Variants in SLC35F1 observed in about 807,000 individuals in gnomAD.
SLC35F1 encodes the protein solute carrier family 35 member F1, also known as chromosome 6 open reading frame 169.
In SLC35F1, 14 loss-of-function variants were observed where a neutral mutation model predicts 48.7. The observed-to-expected ratio is 0.29, with a 90% CI of 0.19 to 0.45. The LOEUF (loss-of-function observed/expected upper bound fraction) is 0.45, where lower values mean the gene tolerates loss of function less well. SLC35F1 is among the 20% of genes least tolerant of loss of function. The probability of loss-of-function intolerance (pLI) is 1.00; values close to 1 mark genes in which losing one functional copy is unlikely to be tolerated. For synonymous variants in SLC35F1, 190 were observed against 202.2 expected, an observed-to-expected ratio of 0.94 and a Z score of 0.51; for missense variants, 404 against 500.0, an observed-to-expected ratio of 0.81 and a Z score of 1.83.
At chr6:118,133,805 G>A (rs78006819) in intron 1 of SLC35F1, among the ~76,000 whole-genome samples, 2,979 of 152,236 alleles carry the variant, frequency 0.02, 95 homozygotes, top group African/African-American at 0.064. Context: ...CATACCTGCC[G>A]TGACCTCCCT....
chr6:117,986,860 C>G (rs756841811), intron 1 of SLC35F1, among the ~76,000 whole-genome samples: 34 of 152,190 alleles, frequency 2.2e-4, no homozygotes, highest in South Asian at 4.1e-4. Context: ...GAGATGATTT[C>G]CAGCAGCCTG....
intron 3 of SLC35F1, among the ~76,000 whole-genome samples, chr6:118,239,228 A>T (rs1775405366): frequency 6.7e-6 from 1 of 148,892 alleles, no homozygotes; most frequent in South Asian, 2.2e-4. Flanking sequence ...ACCTAGAGGA[A>T]ACCCCAGCAC....
At chr6:117,954,613 G>C (rs17079589) in intron 1 of SLC35F1, among the ~76,000 whole-genome samples, 1,701 of 152,240 alleles carry the variant, frequency 0.011, 31 homozygotes, top group African/African-American at 0.039. Flanking sequence ...TAGACCTACA[G>C]AATTAAAATA....
intron 1 of SLC35F1, among the ~76,000 whole-genome samples, chr6:118,057,027 G>A (rs1008073402): frequency 2.6e-5 from 4 of 151,998 alleles, no homozygotes; most frequent in Non-Finnish European, 5.9e-5. Flanking sequence ...AAAGTGTTCT[G>A]GTCCTAATTT....
chr6:118,028,611 A>G (rs547864886), intron 1 of SLC35F1, among the ~76,000 whole-genome samples: 1 of 152,110 alleles, frequency 6.6e-6, no homozygotes, highest in Non-Finnish European at 1.5e-5. Flanking sequence ...ATGGGGGAGG[A>G]TCCACAGAAC....
chr6:118,124,402 A>G (rs1334837), intron 1 of SLC35F1, among the ~76,000 whole-genome samples: 5,075 of 152,210 alleles, frequency 0.033, 214 homozygotes, highest in African/African-American at 0.088. Context: ...TAGGGTAATA[A>G]TTTTCTTTCT....
At chr6:117,943,772 A>G (rs1371051098) in intron 1 of SLC35F1, among the ~76,000 whole-genome samples, 1 of 152,172 alleles carries the variant, frequency 6.6e-6, no homozygotes, top group African/African-American at 2.4e-5. Flanking sequence ...TCAGTTTAAA[A>G]CCATTGATTT....
At chr6:117,999,780 C>A (rs1004121712) in intron 1 of SLC35F1, among the ~76,000 whole-genome samples, 1 of 151,536 alleles carries the variant, frequency 6.6e-6, no homozygotes, top group African/African-American at 2.4e-5. Context: ...ACCACCGATC[C>A]CACAGAAATA....
intron 4 of SLC35F1, among the ~76,000 whole-genome samples, 162 bp from the exon 5 acceptor site, chr6:118,275,297 A>G (rs1011421241): frequency 1.1e-4 from 17 of 152,228 alleles, no homozygotes; most frequent in African/African-American, 7.2e-5. Flanking sequence ...GAACGTGTCT[A>G]GAGCACAGAT....
intron 1 of SLC35F1, among the ~76,000 whole-genome samples, chr6:118,038,783 G>C (rs944822463): frequency 6.6e-6 from 1 of 151,844 alleles, no homozygotes; most frequent in Non-Finnish European, 1.5e-5. Context: ...AACCATTCAT[G>C]GTTAATTTTT....
At chr6:118,087,246 T>C (rs1339665911) in intron 1 of SLC35F1, among the ~76,000 whole-genome samples, 1 of 152,116 alleles carries the variant, frequency 6.6e-6, no homozygotes, top group Non-Finnish European at 1.5e-5. Flanking sequence ...TCTCTGTCAC[T>C]GATTGTGTTG....
chr6:118,088,242 T>C (rs1386430712), intron 1 of SLC35F1, among the ~76,000 whole-genome samples: 10 of 152,238 alleles, frequency 6.6e-5, no homozygotes, highest in Non-Finnish European at 1.5e-4. Context: ...TGGTGAAGTA[T>C]CCTTTTATAC....
At chr6:118,236,824 A>G (rs1283995918) in intron 3 of SLC35F1, among the ~76,000 whole-genome samples, 1 of 152,218 alleles carries the variant, frequency 6.6e-6, no homozygotes, top group African/African-American at 2.4e-5. Flanking sequence ...ATGTTGGAAG[A>G]GATACAAGGC....
intron 1 of SLC35F1, among the ~76,000 whole-genome samples, chr6:118,141,344 C>A (rs557820290): frequency 1.3e-5 from 2 of 152,258 alleles, no homozygotes; most frequent in South Asian, 4.2e-4. Context: ...AGCCTAGGAG[C>A]AATAGTATAG....
intron 6 of SLC35F1, among the ~76,000 whole-genome samples, chr6:118,284,945 G>C (rs1162410386): frequency 6.6e-6 from 1 of 152,156 alleles, no homozygotes; most frequent in Non-Finnish European, 1.5e-5. Flanking sequence ...CCCAGAAGAA[G>C]CAAAATGTCA....
intron 1 of SLC35F1, among the ~76,000 whole-genome samples, chr6:118,120,929 T>C (rs1773544574): frequency 6.6e-6 from 1 of 152,178 alleles, no homozygotes. Context: ...ATCATCTTTT[T>C]TTCTTCCTGC....
At chr6:118,111,371 C>T (rs1773397325) in intron 1 of SLC35F1, among the ~76,000 whole-genome samples, 1 of 152,112 alleles carries the variant, frequency 6.6e-6, no homozygotes, top group Non-Finnish European at 1.5e-5. Flanking sequence ...ATCTTACCTA[C>T]AGAAGGGCAA....
intron 1 of SLC35F1, among the ~76,000 whole-genome samples, chr6:117,999,632 A>C (rs1418143000): frequency 6.6e-6 from 1 of 152,166 alleles, no homozygotes; most frequent in East Asian, 1.9e-4. Context: ...ACCCAAAAAA[A>C]CCCTTCAGAA....
chr6:118,037,404 T>C (rs1161779045), intron 1 of SLC35F1, among the ~76,000 whole-genome samples: 1 of 152,202 alleles, frequency 6.6e-6, no homozygotes, highest in Non-Finnish European at 1.5e-5. Context: ...TTTTCTCTGC[T>C]TTTTGTTCTT....
Sources: gnomAD v4.1 joint callset for allele counts (sites outside exome capture counted in the v4.1 genomes callset) on GRCh38, gnomAD v4.1.1 for gene constraint, MANE v1.5 for transcripts, NCBI Gene and HGNC (gene_info 2026-07-23, HGNC 2026-07-21) for gene names.